PPFIA2: variants seen among roughly 807,000 people sequenced by gnomAD.
The protein encoded by PPFIA2 is liprin-alpha-2.
In PPFIA2, 46 loss-of-function variants were observed where a neutral mutation model predicts 175.5. The ratio of observed to expected loss-of-function variants is 0.26; its 90% CI spans 0.21 to 0.34. PPFIA2 has a LOEUF of 0.34. Ranked by LOEUF, PPFIA2 falls within the 10% of genes least tolerant of loss-of-function variation. The pLI is 1.00. For synonymous variants in PPFIA2, 568 were observed against 511.4 expected (o/e 1.11, Z -1.49); for missense variants, 1,179 against 1,506.1 (o/e 0.78, Z 3.60).
chr12:81,481,244 A>T (rs530666513), intron 4 of PPFIA2, among the ~76,000 whole-genome samples: 25 of 152,306 alleles, frequency 1.6e-4, no homozygotes, highest in South Asian at 6.2e-4. Flanking sequence ...ATAAGAGAGG[A>T]CACAAACAAA....
intron 4 of PPFIA2, among the ~76,000 whole-genome samples, chr12:81,635,918 T>TCACA (rs774795992): frequency 4.1e-5 from 6 of 147,030 alleles, no homozygotes; most frequent in South Asian, 2.1e-4. Context: ...AATCTCTCTC[T>TCACA]CTCACACACA....
At chr12:81,490,296 A>C (rs1032213491) in intron 4 of PPFIA2, among the ~76,000 whole-genome samples, 2 of 151,884 alleles carry the variant, frequency 1.3e-5, no homozygotes, top group Admixed American at 1.3e-4. Context: ...AACGCAACCC[A>C]CTGAAAATAG....
At chr12:81,581,311 T>C (rs1362736731) in intron 4 of PPFIA2, among the ~76,000 whole-genome samples, 1 of 151,726 alleles carries the variant, frequency 6.6e-6, no homozygotes, top group African/African-American at 2.4e-5. Context: ...GAGGTCCAGA[T>C]TGGGCCAGCC....
chr12:81,385,679 A>G (rs1466174168), intron 8 of PPFIA2, among the ~76,000 whole-genome samples: 1 of 152,150 alleles, frequency 6.6e-6, no homozygotes, highest in African/African-American at 2.4e-5. Flanking sequence ...AGTTGATAGA[A>G]GAATGGTGGT....
At chr12:81,730,537 A>G (rs569355882) in intron 3 of PPFIA2, among the ~76,000 whole-genome samples, 2 of 151,726 alleles carry the variant, frequency 1.3e-5, no homozygotes, top group African/African-American at 4.8e-5. Context: ...AGCATGGGGG[A>G]AACCACTCCC....
intron 8 of PPFIA2, among the ~76,000 whole-genome samples, chr12:81,403,259 A>C (rs1410304875): frequency 6.6e-6 from 1 of 152,196 alleles, no homozygotes; most frequent in Non-Finnish European, 1.5e-5. Flanking sequence ...AAAAAAGTTA[A>C]AGACAATTGC....
intron 14 of PPFIA2, among the ~76,000 whole-genome samples, chr12:81,365,457 G>C (rs761755862): frequency 1.3e-5 from 2 of 151,782 alleles, no homozygotes; most frequent in African/African-American, 2.4e-5. Context: ...GAGTTACAAG[G>C]CTTTGGTAGG....
intron 23 of PPFIA2, among the ~76,000 whole-genome samples, chr12:81,295,949 C>G (rs2046335835): frequency 6.6e-6 from 1 of 151,854 alleles, no homozygotes; most frequent in South Asian, 2.1e-4. Flanking sequence ...GAGATCAGGC[C>G]TTTAGACTCC....
At chr12:81,562,600 C>T (rs1433155488) in intron 4 of PPFIA2, among the ~76,000 whole-genome samples, 1 of 151,816 alleles carries the variant, frequency 6.6e-6, no homozygotes, top group Non-Finnish European at 1.5e-5. Flanking sequence ...GTAATCCCAG[C>T]ACTTTGGGAG....
chr12:81,752,421 T>TA (rs1362766059), intron 3 of PPFIA2, among the ~76,000 whole-genome samples: 3 of 152,164 alleles, frequency 2.0e-5, no homozygotes, highest in Non-Finnish European at 4.4e-5. Context: ...ATATTTTCCT[T>TA]AAAAAATATA....
At chr12:81,640,651 A>G (rs2153514693) in intron 4 of PPFIA2, among the ~76,000 whole-genome samples, 1 of 152,216 alleles carries the variant, frequency 6.6e-6, no homozygotes, top group African/African-American at 2.4e-5. Context: ...AACTTTGTCG[A>G]AAACAGAATT....
chr12:81,652,791 C>T lies in PPFIA2; in HGVS notation c.303+24000G>A, dbSNP rs532749828. On this transcript the variant is annotated intron_variant, in intron 4 of 32. Transcript: ENST00000549396. ...TATATATTATTTACATACTGTTATCCCTGAAATTTACATCTCAATCCATAT... is the reference window on the plus strand; with the variant it reads ...TATATATTATTTACATACTGTTATCTCTGAAATTTACATCTCAATCCATAT... 7.9e-5 allele frequency among the ~76,000 whole-genome samples: 12 copies of T among 152,080 alleles called. No individual in the cohort carries two copies. In the South Asian group the frequency reaches 8.3e-4, roughly 11 times the overall value.
intron 7 of PPFIA2, among the ~76,000 whole-genome samples, chr12:81,437,144 T>A (rs999912150): frequency 1.3e-5 from 2 of 152,186 alleles, no homozygotes; most frequent in Non-Finnish European, 2.9e-5. Context: ...CAGTCGTAAA[T>A]CTTTCCTCCA....
At chr12:81,416,218 C>A (rs1320974835) in intron 7 of PPFIA2, among the ~76,000 whole-genome samples, 1 of 151,528 alleles carries the variant, frequency 6.6e-6, no homozygotes, top group Admixed American at 6.6e-5. Flanking sequence ...TGAAAGCAAA[C>A]ACCAATTTCT....
intron 24 of PPFIA2, among the ~76,000 whole-genome samples, chr12:81,286,989 T>C (rs1052377035): frequency 6.6e-4 from 100 of 152,116 alleles, no homozygotes; most frequent in African/African-American, 2.4e-3. Context: ...TATAAATCAT[T>C]ACATTACTTG....
chr12:81,466,524 T>C (rs1566945286), intron 4 of PPFIA2, among the ~76,000 whole-genome samples: 2 of 152,292 alleles, frequency 1.3e-5, no homozygotes, highest in Non-Finnish European at 2.9e-5. Flanking sequence ...TTCACTATGC[T>C]CCTACTGAAA....
intron 22 of PPFIA2, among the ~76,000 whole-genome samples, chr12:81,315,523 A>G (rs906961108): frequency 3.3e-5 from 5 of 151,778 alleles, no homozygotes; most frequent in Admixed American, 2.0e-4. Flanking sequence ...GAAAAAGTTC[A>G]TAAAGCAAGA....
intron 4 of PPFIA2, among the ~76,000 whole-genome samples, chr12:81,538,497 TA>T (rs1567235895): frequency 6.6e-6 from 1 of 151,804 alleles, no homozygotes; most frequent in African/African-American, 2.4e-5. Flanking sequence ...GAAAATATAA[TA>T]GAGGATGTTC....
rs539201529 is a variant in PPFIA2 at position 81,741,284 on chromosome 12, G to A, written c.249+12689C>T. Among the ~76,000 whole-genome samples the A allele has an allele frequency of 9.2e-5, 14 of 152,120 alleles. No individual in the cohort carries two copies. In the East Asian group the frequency reaches 9.7e-4, roughly 11 times the overall value. ...GTGTTGTAGACACTTGAGCCATAAGGCTCGATGAATTATATTTGTTTTCTT... is the reference window on the plus strand; with the variant it reads ...GTGTTGTAGACACTTGAGCCATAAGACTCGATGAATTATATTTGTTTTCTT... On this transcript the variant is annotated intron_variant, in intron 3 of 32. Coordinates refer to ENST00000549396, the MANE Select transcript of PPFIA2 (RefSeq NM_003625.5).
Sources: gnomAD v4.1 joint callset for allele counts (sites outside exome capture counted in the v4.1 genomes callset) on GRCh38, gnomAD v4.1.1 for gene constraint, MANE v1.5 for transcripts, NCBI Gene and HGNC (gene_info 2026-07-23, HGNC 2026-07-21) for gene names.